Variants in EVL observed in about 807,000 individuals in gnomAD.
EVL encodes Enah/Vasp-like.
In EVL, 21 loss-of-function variants were observed where a neutral mutation model predicts 59.6. The observed-to-expected ratio is 0.35, with a 90% CI of 0.25 to 0.51. The LOEUF (loss-of-function observed/expected upper bound fraction) is 0.51, where lower values mean the gene tolerates loss of function less well. EVL is among the 20% of genes least tolerant of loss of function. The probability of loss-of-function intolerance (pLI) is 0.97; values close to 1 mark genes in which losing one functional copy is unlikely to be tolerated. For synonymous variants in EVL, 198 were observed against 203.5 expected (o/e 0.97, Z 0.23); for missense variants, 462 against 546.6 (o/e 0.85, Z 1.54).
chr14:100,044,214 TG>T (rs1166861906), intron 1 of EVL, among the ~76,000 whole-genome samples: 2 of 152,150 alleles, frequency 1.3e-5, no homozygotes, highest in African/African-American at 4.8e-5. Flanking sequence ...AAAAGGGGGT[TG>T]GGGGATTCAC....
chr14:99,973,229 G>A (rs1277574683), intron 1 of EVL, among the ~76,000 whole-genome samples: 1 of 152,110 alleles, frequency 6.6e-6, no homozygotes, highest in Non-Finnish European at 1.5e-5. Context: ...GTGGTTCTAC[G>A]AGCTGACATT....
intron 3 of EVL, among the ~76,000 whole-genome samples, chr14:100,122,409 T>C (rs1360559842): frequency 1.3e-5 from 2 of 152,200 alleles, no homozygotes; most frequent in African/African-American, 4.8e-5. Flanking sequence ...CTGTGAGAAT[T>C]AGAGTTAAAT....
chr14:99,988,154 G>A (rs2060851499), intron 1 of EVL, among the ~76,000 whole-genome samples: 2 of 151,948 alleles, frequency 1.3e-5, no homozygotes, highest in Admixed American at 6.6e-5. Flanking sequence ...GACTTCAGGT[G>A]ATCTGCCCAC....
chr14:100,068,139 A>G (rs1218901453), intron 1 of EVL, among the ~76,000 whole-genome samples: 4 of 152,116 alleles, frequency 2.6e-5, no homozygotes, highest in African/African-American at 9.7e-5. Flanking sequence ...TGTGGTAGAG[A>G]GTGACTGGGC....
At chr14:99,999,540 A>G (rs192040142) in intron 1 of EVL, among the ~76,000 whole-genome samples, 37 of 152,374 alleles carry the variant, frequency 2.4e-4, no homozygotes, top group Middle Eastern at 3.4e-3. Context: ...GCTCCTGTCT[A>G]TAATCACAGC....
intron 1 of EVL, among the ~76,000 whole-genome samples, chr14:99,979,337 G>C (rs1005909150): frequency 1.3e-5 from 2 of 151,856 alleles, no homozygotes; most frequent in African/African-American, 4.8e-5. Context: ...TCTCTTCTGT[G>C]AACATTTTCC....
chr14:99,994,622 G>GTA (rs2060900489), intron 1 of EVL, among the ~76,000 whole-genome samples: 1 of 152,070 alleles, frequency 6.6e-6, no homozygotes, highest in Admixed American at 6.5e-5. Context: ...TCCATTAACA[G>GTA]ACTTATAGTT....
chr14:99,992,695 A>G (rs1566964126), intron 1 of EVL, among the ~76,000 whole-genome samples: 3 of 152,174 alleles, frequency 2.0e-5, no homozygotes, highest in Admixed American at 6.5e-5. Flanking sequence ...TCTTTTCTTC[A>G]TTGTGTACTC....
At chr14:100,136,892 T>C (rs1160882787) in intron 9 of EVL, among the ~76,000 whole-genome samples, 1 of 152,138 alleles carries the variant, frequency 6.6e-6, no homozygotes, top group Non-Finnish European at 1.5e-5. Context: ...GACATGTCTG[T>C]AGCCCCAGGT....
At chr14:100,024,514 C>T (rs1283456183) in intron 1 of EVL, among the ~76,000 whole-genome samples, 1 of 152,178 alleles carries the variant, frequency 6.6e-6, no homozygotes, top group Non-Finnish European at 1.5e-5. Context: ...TCATTGAATA[C>T]CTGCTGTGTG....
intron 4 of EVL, among the ~76,000 whole-genome samples, chr14:100,125,372 T>C (rs1464551556): frequency 6.6e-6 from 1 of 152,004 alleles, no homozygotes; most frequent in East Asian, 1.9e-4. Context: ...ACGCAGAGAC[T>C]CCAAGCATCC....
chr14:100,020,337 A>G (rs1276376354), intron 1 of EVL, among the ~76,000 whole-genome samples: 1 of 152,160 alleles, frequency 6.6e-6, no homozygotes, highest in Non-Finnish European at 1.5e-5. Flanking sequence ...ATCCCTGTAT[A>G]TAAATGTGGG....
intron 1 of EVL, among the ~76,000 whole-genome samples, chr14:100,012,629 C>A (rs1021206160): frequency 3.9e-5 from 6 of 152,186 alleles, no homozygotes; most frequent in African/African-American, 1.2e-4. Flanking sequence ...TTAATTAACT[C>A]AACAGATGAA....
intron 1 of EVL, among the ~76,000 whole-genome samples, chr14:100,046,202 C>T (rs779129363): frequency 2.0e-5 from 3 of 152,256 alleles, no homozygotes; most frequent in Non-Finnish European, 2.9e-5. Flanking sequence ...GCATTTCCTT[C>T]GAGTGTCATG....
At chr14:100,056,083 T>G (rs2061728036) in intron 1 of EVL, among the ~76,000 whole-genome samples, 1 of 152,206 alleles carries the variant, frequency 6.6e-6, no homozygotes, top group African/African-American at 2.4e-5. Flanking sequence ...GTGCTGGGAT[T>G]ACAGGCGTGA....
chr14:100,100,625 T>A (rs1241237717), intron 3 of EVL, among the ~76,000 whole-genome samples: 1 of 151,982 alleles, frequency 6.6e-6, no homozygotes, highest in Non-Finnish European at 1.5e-5. Flanking sequence ...ATACAGTGTG[T>A]ATGATTAGCT....
At chr14:100,027,354 A>C (rs1050034271) in intron 1 of EVL, among the ~76,000 whole-genome samples, 1 of 152,106 alleles carries the variant, frequency 6.6e-6, no homozygotes, top group Admixed American at 6.5e-5. Flanking sequence ...TATTCCTTCT[A>C]TCAAACTGTA....
chr14:100,125,122 CCACACACACACA>C (rs57005382), intron 4 of EVL, among the ~76,000 whole-genome samples: 2 of 103,078 alleles, frequency 1.9e-5, no homozygotes, highest in East Asian at 2.8e-4. Flanking sequence ...CAAGGCGGGA[CCACACACACACA>C]CACACACACA....
chr14:100,000,736 G>T (rs2060941384), intron 1 of EVL, among the ~76,000 whole-genome samples: 1 of 152,150 alleles, frequency 6.6e-6, no homozygotes, highest in South Asian at 2.1e-4. Context: ...ATGGTAGGCA[G>T]GTTTACCCTA....
Sources: allele counts gnomAD v4.1 joint callset (sites outside exome capture counted in the v4.1 genomes callset), GRCh38; gene constraint gnomAD v4.1.1; transcripts MANE v1.5; gene names NCBI Gene and HGNC (gene_info 2026-07-23, HGNC 2026-07-21).